CCDC171: variants seen among roughly 807,000 people sequenced by gnomAD.
CCDC171 encodes the protein coiled-coil domain-containing protein 171.
In CCDC171, 177 loss-of-function variants were observed where a neutral mutation model predicts 168.2. The observed-to-expected ratio is 1.05, with a 90% confidence interval of 0.93 to 1.19. The LOEUF is 1.19. Among genes scored for constraint, CCDC171 ranks in the 50% most tolerant of loss-of-function variants. The pLI is 0.00. For synonymous variants in CCDC171, 687 were observed against 540.8 expected, an observed-to-expected ratio of 1.27 and a Z score of -3.75; for missense variants, 1,991 against 1,539.0, an observed-to-expected ratio of 1.29 and a Z score of -4.91.
intron 1 of CCDC171, among the ~76,000 whole-genome samples, 199 bp from the exon 2 acceptor site, chr9:15,563,779 C>T (rs1277874374): frequency 1.3e-5 from 2 of 152,166 alleles, no homozygotes; most frequent in African/African-American, 4.8e-5. Context: ...CATTTCTCAG[C>T]ACTGAGATAC....
At position 15,652,403 on chromosome 9, in the gene CCDC171, A is replaced by G. The variant is rs77714912; in HGVS notation, c.823-4724A>G. Among the ~76,000 whole-genome samples the G allele has an allele frequency of 5.1e-3, 775 of 151,182 alleles. 11 individuals are homozygous for G. The highest frequency in any genetic ancestry group is 0.018 in the African/African-American group (746 of 41,320). ...CCTTTCTGTGGATCTATATGAATCT[A>G]TATGTGTATCCTTTTGCTGGTACCA... On this transcript the variant is annotated intron_variant, in intron 7 of 25. Coordinates refer to ENST00000380701, the MANE Select transcript of CCDC171 (RefSeq NM_173550.4).
At chr9:15,669,709 CAT>C (rs1359178882) in intron 9 of CCDC171, among the ~76,000 whole-genome samples, 4 of 152,028 alleles carry the variant, frequency 2.6e-5, no homozygotes, top group Non-Finnish European at 5.9e-5. Flanking sequence ...ATAGTTGAAA[CAT>C]AAATTTAATT....
At chr9:16,072,451 C>T in the CCDC171 span, among the ~76,000 whole-genome samples, 1 of 152,170 alleles carries the variant, frequency 6.6e-6, no homozygotes, top group African/African-American at 2.4e-5. Context: ...GACCTCTGTT[C>T]TCCTTTTCCT....
chr9:15,961,692 A>T (rs1830345876), intron 25 of CCDC171, among the ~76,000 whole-genome samples: 1 of 152,166 alleles, frequency 6.6e-6, no homozygotes, highest in Admixed American at 6.6e-5. Flanking sequence ...CACATTTTAG[A>T]GCCATAACTA....
intron 25 of CCDC171, among the ~76,000 whole-genome samples, chr9:15,968,661 C>G (rs975819156): frequency 6.6e-6 from 1 of 151,594 alleles, no homozygotes; most frequent in Admixed American, 6.6e-5. Context: ...ATTCCCCTGC[C>G]TCAGCCTCCT....
chr9:16,103,833 C>T, the CCDC171 span, among the ~76,000 whole-genome samples: 5 of 152,110 alleles, frequency 3.3e-5, no homozygotes, highest in Admixed American at 6.5e-5. Flanking sequence ...GCATGGACTC[C>T]GGGGGGGCTG....
At position 15,799,292 on chromosome 9, in the gene CCDC171, A is replaced by G. The variant is rs184092845; in HGVS notation, c.3267+14598A>G. ...TCTTTATTTTCGAAAGGTGTTCAGTATAGATGTCTGTGTTGACAGTTTCTT... is the reference window on the plus strand; with the variant it reads ...TCTTTATTTTCGAAAGGTGTTCAGTGTAGATGTCTGTGTTGACAGTTTCTT... On this transcript the variant is annotated intron_variant, in intron 21 of 25. Transcript: ENST00000380701. 5.8e-4 allele frequency among the ~76,000 whole-genome samples: 87 copies of G among 151,058 alleles called. 1 individual carries two copies. The highest frequency in any genetic ancestry group is 3.4e-3 in the Middle Eastern group (1 of 294).
intron 7 of CCDC171, among the ~76,000 whole-genome samples, chr9:15,640,689 G>A (rs1452496842): frequency 1.3e-5 from 2 of 152,060 alleles, no homozygotes; most frequent in Non-Finnish European, 2.9e-5. Context: ...TTCTTAACAT[G>A]TTTGATTAGA....
At chr9:15,682,194 A>G (rs62573087) in intron 10 of CCDC171, among the ~76,000 whole-genome samples, 22,778 of 152,046 alleles carry the variant, frequency 0.15, 2,166 homozygotes, top group Middle Eastern at 0.23. Context: ...TTTGAGACTT[A>G]CAAATAACTT....
intron 24 of CCDC171, among the ~76,000 whole-genome samples, chr9:15,914,347 G>C (rs1178595656): frequency 6.6e-6 from 1 of 152,204 alleles, no homozygotes; most frequent in East Asian, 1.9e-4. Context: ...TCCCTGCCCA[G>C]AGAGGAGGAG....
intron 22 of CCDC171, 29 bp downstream of exon 22, chr9:15,846,876 T>A (rs766055965): frequency 1.3e-6 from 2 of 1,574,644 alleles, no homozygotes; most frequent in East Asian, 4.6e-5. Flanking sequence ...GGGAGATCAC[T>A]TAAAACAGAC....
At chr9:15,814,533 C>G (rs1223557567) in intron 21 of CCDC171, among the ~76,000 whole-genome samples, 1 of 151,952 alleles carries the variant, frequency 6.6e-6, no homozygotes, top group Non-Finnish European at 1.5e-5. Context: ...TTGCTCTCTG[C>G]TTACTAAGTT....
intron 18 of CCDC171, among the ~76,000 whole-genome samples, chr9:15,770,898 C>T (rs2056978239): frequency 6.6e-6 from 1 of 152,024 alleles, no homozygotes; most frequent in Non-Finnish European, 1.5e-5. Flanking sequence ...TACGAGTATC[C>T]CATACATGTG....
chr9:16,104,259 C>G, the CCDC171 span, among the ~76,000 whole-genome samples: 1 of 152,036 alleles, frequency 6.6e-6, no homozygotes, highest in Non-Finnish European at 1.5e-5. Flanking sequence ...CTCCTCTAAG[C>G]TCCCCCTTCC....
intron 6 of CCDC171, among the ~76,000 whole-genome samples, chr9:15,622,921 A>T (rs1273668505): frequency 1.3e-5 from 2 of 152,214 alleles, no homozygotes; most frequent in Non-Finnish European, 2.9e-5. Flanking sequence ...TATACATTTA[A>T]AAATTTTAAT....
chr9:15,664,005 C>G (rs1186518137), intron 8 of CCDC171, among the ~76,000 whole-genome samples: 1 of 152,108 alleles, frequency 6.6e-6, no homozygotes, highest in East Asian at 1.9e-4. Flanking sequence ...AGCGAAACAA[C>G]TCAGAAACAG....
intron 21 of CCDC171, among the ~76,000 whole-genome samples, chr9:15,785,109 T>C (rs1388041303): frequency 6.6e-6 from 1 of 152,110 alleles, no homozygotes; most frequent in African/African-American, 2.4e-5. Context: ...CTTATATAAG[T>C]ACATATTTGG....
chr9:15,905,106 A>C (rs1211950792), intron 24 of CCDC171, among the ~76,000 whole-genome samples: 2 of 152,234 alleles, frequency 1.3e-5, no homozygotes, highest in African/African-American at 2.4e-5. Context: ...AACATTAGAC[A>C]GATCAACGAG....
At chr9:15,863,276 A>G (rs1302389891) in intron 23 of CCDC171, among the ~76,000 whole-genome samples, 3 of 151,990 alleles carry the variant, frequency 2.0e-5, no homozygotes, top group African/African-American at 7.2e-5. Flanking sequence ...GAGTGTCTTC[A>G]GTTTTCCCAG....
Sources: allele counts gnomAD v4.1 joint callset (sites outside exome capture counted in the v4.1 genomes callset), GRCh38; gene constraint gnomAD v4.1.1; transcripts MANE v1.5; gene names NCBI Gene and HGNC (gene_info 2026-07-23, HGNC 2026-07-21).